Variants in CARD14 observed in about 807,000 individuals in gnomAD.
The protein encoded by CARD14 is caspase recruitment domain-containing protein 14.
Under a neutral mutation model 111.5 loss-of-function variants are expected in CARD14, and 107 were observed. The ratio of observed to expected loss-of-function variants is 0.96; its 90% CI spans 0.82 to 1.13. CARD14 has a LOEUF of 1.13. Ranked by LOEUF, CARD14 falls within the 50% of genes most tolerant of loss-of-function variation. CARD14 has a pLI of 0.00. For missense variants in CARD14, 1,322 were observed against 1,362.3 expected, an observed-to-expected ratio of 0.97 and a Z score of 0.47; for synonymous variants, 617 against 579.6, an observed-to-expected ratio of 1.06 and a Z score of -0.93.
chr17:80,199,561 C>CAAAAAAAAAAAAAAA (rs34737700), intron 16 of CARD14, among the ~76,000 whole-genome samples: 3 of 68,770 alleles, frequency 4.4e-5, no homozygotes, highest in African/African-American at 6.1e-5. Flanking sequence ...AGCCTTGTCT[C>CAAAAAAAAAAAAAAA]AAAAAAAAAA....
Position 80,208,174 on chromosome 17 carries a change from G to A in CARD14, c.2844G>A (p.Gln948=), listed in dbSNP as rs938054938. ...AGCGGTTGGGCACCTCAGAGGAGCA[G>A]CTCCTGGAGGCTGCGAGGCAGGAGG... ...GLQRLGTSEE[Q]LLEAARQEEG... Residue 948 remains glutamine (Q), a synonymous_variant, in exon 24 of 24, where the codon CAG becomes CAA. Transcript: ENST00000648509. 4 of 1,549,286 alleles carry A rather than the reference G, an allele frequency of 2.6e-6. No homozygotes were observed. The highest frequency in any genetic ancestry group is 1.2e-5 in the South Asian group (1 of 83,940).
rs201285077 is a variant in CARD14, at chr17:80,198,545, C to G, written c.1805C>G (p.Ser602Trp). 9 of 1,613,186 alleles carry G rather than the reference C, an allele frequency of 5.6e-6. No individual in the cohort carries two copies. The highest frequency in any genetic ancestry group is 6.8e-6 in the Non-Finnish European group (8 of 1,179,882). ...GIFIHRVTPG[S>W]AADQMALRPG... The stretch of plus-strand genomic sequence containing the variant: ...TTCATCCACCGGGTCACCCCGGGCT[C>G]GGCGGCGGACCAGATGGCCTTGCGC... Residue 602 changes from serine to tryptophan, a missense_variant, in exon 16 of 24, where the codon TCG becomes TGG. Physicochemically the swap from Ser to Trp is radical, Grantham distance 177. Coordinates refer to ENST00000648509, the MANE Select transcript of CARD14 (RefSeq NM_001366385.1). The surrounding 1 kb of genome is among the most constrained non-coding windows in gnomAD (Gnocchi z 7.5).
chr17:80,191,332 G>A lies in CARD14; in HGVS notation c.1099G>A (p.Ala367Thr), dbSNP rs375882704. 124 of 1,613,122 alleles carry A rather than the reference G, an allele frequency of 7.7e-5. No individual in the cohort carries two copies. Among genetic ancestry groups the A allele is most frequent in the Middle Eastern group, 1.6e-4 (1 of 6,062 alleles). ...LQKERDQAYS[A>T]RDSAQREISQ... ...CCGTCGTGGCCCACAGGCGTACTCCGCGAGGGACAGTGCTCAGAGGGAGAT... is the reference window on the plus strand; with the variant it reads ...CCGTCGTGGCCCACAGGCGTACTCCACGAGGGACAGTGCTCAGAGGGAGAT... Residue 367 changes from alanine (A) to threonine (T), a missense_variant, in exon 11 of 24, where the codon GCG becomes ACG. Coordinates refer to ENST00000648509, the MANE Select transcript of CARD14 (RefSeq NM_001366385.1).
chr17:80,181,717 T>C (rs759331027), intron 5 of CARD14, 68 bp downstream of exon 5: 1 of 1,404,606 alleles, frequency 7.1e-7, no homozygotes, highest in Non-Finnish European at 9.6e-7. Flanking sequence ...ACTGTCTGCC[T>C]CTGTCTTCAG....
At position 80,205,606 on chromosome 17, in the gene CARD14, G is replaced by T. The variant is rs964442846; in HGVS notation, c.2645G>T (p.Gly882Val). The T allele has an allele frequency of 6.4e-7, 1 of 1,567,962 alleles. No individual in the cohort carries two copies. Among genetic ancestry groups the T allele is most frequent in the South Asian group, 1.2e-5 (1 of 85,398 alleles). Residue 882 changes from glycine to valine, a missense_variant, in exon 22 of 24, where the codon GGC becomes GTC. Transcript: ENST00000648509. ...ATCCAGGAGGGAGAGGTGTCCGGGG[G>T]CCGCTGCTGGGTGACCCGCCATGCT... ...DIIQEGEVSG[G>V]RCWVTRHAVE...
At position 80,191,399 on chromosome 17, in the gene CARD14, TGTTCGAGCTGACGGACCAG is replaced by T; in HGVS notation, c.1169_1187del (p.Phe390SerfsTer64). 1 of 1,613,760 alleles carries T rather than the reference TGTTCGAGCTGACGGACCAG, an allele frequency of 6.2e-7. No individual in the cohort carries two copies. The highest frequency in any genetic ancestry group is 8.5e-7 in the Non-Finnish European group (1 of 1,180,010). ...GAGAAGGACTCCCTCCGCAGGCAGG[TGTTCGAGCTGACGGACCAG>T]GTCTGCGAGCTGCGCACACAGCTTC... On this transcript the variant is annotated frameshift_variant, in exon 11 of 24. Transcript: ENST00000648509. LOFTEE classifies it high-confidence loss of function.
In CARD14 at chr17:80,198,356, C is replaced by A; in HGVS notation, c.1659-43C>A. 6.4e-7 allele frequency: 1 copy of A among 1,565,812 alleles called. No homozygotes were observed. The highest frequency in any genetic ancestry group is 1.2e-5 in the South Asian group (1 of 84,358). ...TGGGGAGGTGGCCTTGCCGGCTCTCCTGCTCTGGGCAGTGCACAAGCCGGT... is the reference window on the plus strand; with the variant it reads ...TGGGGAGGTGGCCTTGCCGGCTCTCATGCTCTGGGCAGTGCACAAGCCGGT... On this transcript the variant is annotated intron_variant, in intron 15 of 23. Coordinates refer to ENST00000648509, the MANE Select transcript of CARD14 (RefSeq NM_001366385.1). The surrounding 1 kb of genome is among the most constrained non-coding windows in gnomAD (Gnocchi z 7.5).
intron 14 of CARD14, chr17:80,196,692 G>C (rs1419301336): frequency 6.6e-6 from 1 of 152,262 alleles, no homozygotes; most frequent in Non-Finnish European, 1.5e-5. Context: ...GGGGCTCACA[G>C]GCTGTACAGT....
intron 21 of CARD14, 63 bp from the exon 22 acceptor site, chr17:80,205,468 A>G: frequency 6.4e-7 from 1 of 1,552,370 alleles, no homozygotes; most frequent in East Asian, 2.4e-5. Flanking sequence ...GGTGTTTACC[A>G]TGGGACTCCC....
chr17:80,191,253 G>A, intron 10 of CARD14, 70 bp from the exon 11 acceptor site: 1 of 1,563,910 alleles, frequency 6.4e-7, no homozygotes, highest in Non-Finnish European at 8.7e-7. Context: ...TAGAAACAGG[G>A]CTCTCCTTCT....
At position 80,188,240 on chromosome 17, in the gene CARD14, G is replaced by A; in HGVS notation, c.676-137G>A. The A allele has an allele frequency of 1.2e-6, 1 of 866,788 alleles. No individual in the cohort carries two copies. Among genetic ancestry groups the A allele is most frequent in the East Asian group, 3.2e-5 (1 of 31,176 alleles). The allele number at this position is 866,788 out of a possible 1,614,324, so 53.7% of individuals were successfully genotyped here. A position where few individuals can be genotyped will look rare whatever the true frequency, so the allele number is the denominator to read the frequency against. ...CTATTCATTAGGTGAACCCTTTCGTGGGTTTTTCAGTCTCGAGGCAGGAAG... is the reference window on the plus strand; with the variant it reads ...CTATTCATTAGGTGAACCCTTTCGTAGGTTTTTCAGTCTCGAGGCAGGAAG... On this transcript the variant is annotated intron_variant, in intron 7 of 23. Coordinates refer to ENST00000648509, the MANE Select transcript of CARD14 (RefSeq NM_001366385.1). The surrounding 1 kb of genome is among the most constrained non-coding windows in gnomAD (Gnocchi z 4.5).
chr17:80,198,493 G>T lies in CARD14; in HGVS notation c.1753G>T (p.Val585Phe). 1 of 1,613,550 alleles carries T rather than the reference G, an allele frequency of 6.2e-7. No homozygotes were observed. The highest frequency in any genetic ancestry group is 8.5e-7 in the Non-Finnish European group (1 of 1,179,896). The change falls in exon 16 of 24, where the codon GTC becomes TTC. Residue 585 changes from valine (V) to phenylalanine (F), a missense_variant. Val to Phe is a conservative substitution (Grantham distance 50, BLOSUM62 -1). Coordinates refer to ENST00000648509, the MANE Select transcript of CARD14 (RefSeq NM_001366385.1). The surrounding 1 kb of genome is among the most constrained non-coding windows in gnomAD (Gnocchi z 7.5). ...GGATGCATTGCTGGAGCAGATCAGC[G>T]TCATCGGCGGGAACCTCACGGGCAT... ...QGDALLEQIS[V>F]IGGNLTGIFI...
intron 6 of CARD14, among the ~76,000 whole-genome samples, chr17:80,183,193 AG>A (rs1423899720): frequency 6.6e-6 from 1 of 152,230 alleles, no homozygotes; most frequent in Non-Finnish European, 1.5e-5. Flanking sequence ...GGCCCCGGCC[AG>A]AGGGTACAGG....
At position 80,206,978 on chromosome 17, in the gene CARD14, T is replaced by C. The variant is rs2041354820; in HGVS notation, c.2700T>C (p.His900=). The C allele has an allele frequency of 6.2e-7, 1 of 1,611,016 alleles. No individual in the cohort carries two copies. Among genetic ancestry groups the C allele is most frequent in the Non-Finnish European group, 8.5e-7 (1 of 1,178,198 alleles). ...AVESLMEKNT[H]ALLDVQLDSV... is the part of the protein sequence containing the mutation. Reference sequence around the variant, plus strand: ...CTCTCCCTCCCACAAAGAACACCCATGCCCTCCTGGACGTCCAGCTGGACA... The same window carrying C: ...CTCTCCCTCCCACAAAGAACACCCACGCCCTCCTGGACGTCCAGCTGGACA... The change falls in exon 23 of 24, where the codon CAT becomes CAC. Residue 900 remains histidine (H), a synonymous_variant. Transcript: ENST00000648509.
chr17:80,202,683 G>A, intron 18 of CARD14: 1 of 1,192,640 alleles, frequency 8.4e-7, no homozygotes, highest in Non-Finnish European at 1.1e-6. Context: ...TGGTACCATG[G>A]ACGTTTGGGG....
chr17:80,192,592 C>G lies in CARD14; in HGVS notation c.1329C>G (p.Ser443Arg). 1 of 1,613,042 alleles carries G rather than the reference C, an allele frequency of 6.2e-7. No homozygotes were observed. The highest frequency in any genetic ancestry group is 8.5e-7 in the Non-Finnish European group (1 of 1,179,676). Residue 443 changes from serine to arginine, a missense_variant, in exon 12 of 24, where the codon AGC becomes AGG. Ser to Arg is a moderately radical substitution (Grantham distance 110). Transcript: ENST00000648509. ...ATGCCATCTGCCCCAGAGACGACAG[C>G]GACTGCAGCCTCGTCAGCTCCACAG... ...RMHAICPRDD[S>R]DCSLVSSTES...
At chr17:80,177,593 G>C (rs953264330) in intron 2 of CARD14, among the ~76,000 whole-genome samples, 3 of 152,164 alleles carry the variant, frequency 2.0e-5, no homozygotes, top group African/African-American at 7.2e-5. Flanking sequence ...TACTCAGAAG[G>C]CTGAGGCAGG....
rs533731931 is a variant in CARD14, at chr17:80,184,235, G to A, written c.672G>A (p.Glu224=). Residue 224 remains glutamate (E), a synonymous_variant, in exon 7 of 24, where the codon GAG becomes GAA. Coordinates refer to ENST00000648509, the MANE Select transcript of CARD14 (RefSeq NM_001366385.1). ...LAASRCRSLQ[E]ELYLLKQELQ... is the part of the protein sequence containing the mutation. ...CCTCACGCTGCCGCAGCCTGCAGGA[G>A]GAGGTAGGGGGACACCCTGCACCCC... 4.6e-6 allele frequency: 7 copies of A among 1,519,722 alleles called. No individual in the cohort carries two copies. The highest frequency in any genetic ancestry group is 4.0e-5 in the Admixed American group (2 of 49,610). 94.1% of individuals were successfully genotyped at this position (1,519,722 alleles called of 1,614,324 possible). A position where few individuals can be genotyped will look rare whatever the true frequency, so the allele number is the denominator to read the frequency against.
At position 80,189,216 on chromosome 17, in the gene CARD14, G is replaced by A. The variant is rs1054740502; in HGVS notation, c.844-537G>A. Among the ~76,000 whole-genome samples, 1 of 152,202 alleles carries A rather than the reference G, an allele frequency of 6.6e-6. No individual in the cohort carries two copies. The highest frequency in any genetic ancestry group is 2.4e-5 in the African/African-American group (1 of 41,460). On this transcript the variant is annotated intron_variant, in intron 8 of 23. Coordinates refer to ENST00000648509, the MANE Select transcript of CARD14 (RefSeq NM_001366385.1). This position sits in a 1 kb window ranked among gnomAD's most constrained non-coding sequence, Gnocchi z 4.7. ...TGCCTGGAAAGACTCCGCCCTCTGG[G>A]CCTCAGGTGCACTGGAGAGAGGGGG... is the stretch of plus-strand genomic sequence containing the variant.
Sources: allele counts gnomAD v4.1 joint callset (sites outside exome capture counted in the v4.1 genomes callset), GRCh38; gene constraint gnomAD v4.1.1; non-coding constraint Gnocchi (gnomAD v3.1); transcripts MANE v1.5; gene names NCBI Gene and HGNC (gene_info 2026-07-23, HGNC 2026-07-21).